Variants in PRICKLE2 observed in about 807,000 individuals in gnomAD.
PRICKLE2 encodes prickle-like protein 2.
PRICKLE2 carries 21 observed loss-of-function variants against 81.4 expected under a neutral mutation model. That is an observed-to-expected ratio of 0.26 (90% confidence interval 0.18 to 0.37). The LOEUF is 0.37. Ranked by LOEUF, PRICKLE2 falls within the 10% of genes least tolerant of loss-of-function variation. PRICKLE2 has a pLI of 1.00. For missense variants in PRICKLE2, 940 were observed against 1,109.0 expected (o/e 0.85, Z 2.16); for synonymous variants, 456 against 421.5 (o/e 1.08, Z -1.00).
intron 7 of PRICKLE2, among the ~76,000 whole-genome samples, chr3:64,123,605 C>T (rs2077062510): frequency 6.6e-6 from 1 of 152,224 alleles, no homozygotes; most frequent in South Asian, 2.1e-4. Context: ...CCTGTGCTCA[C>T]TTTGTGTCTC....
In PRICKLE2 at chr3:64,099,952, A is replaced by G. The variant is rs372589097; in HGVS notation, c.1661-27T>C. 6.3e-5 allele frequency: 101 copies of G among 1,611,176 alleles called. No homozygotes were observed. In the African/African-American group the frequency reaches 1.3e-3, roughly 21 times the overall value. ...TGGGGAAGAGAGGAGGGGACCACAG[A>G]GATTAATACAGATGTGCAGCAATGG... On this transcript the variant is annotated intron_variant, in intron 7 of 7. Transcript: ENST00000638394. This position sits in a 1 kb window ranked among gnomAD's most constrained non-coding sequence, Gnocchi z 4.3.
At chr3:64,203,840 T>C (rs1001041854) in intron 1 of PRICKLE2, among the ~76,000 whole-genome samples, 2 of 148,456 alleles carry the variant, frequency 1.3e-5, no homozygotes, top group Non-Finnish European at 3.0e-5. Context: ...CAGCTGGGCA[T>C]GGTGGTGGGC....
intron 2 of PRICKLE2, among the ~76,000 whole-genome samples, chr3:64,232,467 G>A (rs2079119378): frequency 6.8e-6 from 1 of 146,516 alleles, no homozygotes; most frequent in South Asian, 2.2e-4. Flanking sequence ...AAAGGATGGA[G>A]TTCAGCTCAC....
chr3:64,149,128 G>A (rs1035102553), intron 6 of PRICKLE2, among the ~76,000 whole-genome samples: 7 of 152,170 alleles, frequency 4.6e-5, no homozygotes, highest in Non-Finnish European at 7.3e-5. Flanking sequence ...GCCACACTGC[G>A]TACTAAGGGA....
chr3:64,120,865 G>A (rs1237917425), intron 7 of PRICKLE2, among the ~76,000 whole-genome samples: 4 of 152,158 alleles, frequency 2.6e-5, no homozygotes, highest in Admixed American at 1.3e-4. Context: ...GCACTATGCC[G>A]TGTCCTACTT....
chr3:64,113,083 C>A (rs1187411367), intron 7 of PRICKLE2, among the ~76,000 whole-genome samples: 1 of 152,174 alleles, frequency 6.6e-6, no homozygotes, highest in African/African-American at 2.4e-5. Flanking sequence ...GCTCTTGTCA[C>A]AGGCCTTGGG....
intron 2 of PRICKLE2, among the ~76,000 whole-genome samples, chr3:64,166,222 G>A (rs1246418160): frequency 6.6e-6 from 1 of 152,050 alleles, no homozygotes; most frequent in Admixed American, 6.5e-5. Flanking sequence ...AGTTTGCACA[G>A]CATCACTTCA....
chr3:64,196,402 G>T (rs755190028), intron 2 of PRICKLE2, among the ~76,000 whole-genome samples: 2 of 152,162 alleles, frequency 1.3e-5, no homozygotes, highest in Non-Finnish European at 2.9e-5. Flanking sequence ...AAGCTCACTG[G>T]TGTATCTAGG....
At chr3:64,117,503 T>A (rs527298568) in intron 7 of PRICKLE2, among the ~76,000 whole-genome samples, 11 of 152,208 alleles carry the variant, frequency 7.2e-5, no homozygotes, top group African/African-American at 2.6e-4. Context: ...TTCAGCAAAG[T>A]CTCAGGATCA....
intron 2 of PRICKLE2, among the ~76,000 whole-genome samples, chr3:64,247,675 A>G (rs550155896): frequency 1.3e-5 from 2 of 152,340 alleles, no homozygotes; most frequent in African/African-American, 4.8e-5. Context: ...ATCATAACTT[A>G]AACAACCTGG....
Position 64,266,169 on chromosome 3 carries a change from C to T in PRICKLE2, c.129-67202G>A, listed in dbSNP as rs549510802. Reference sequence around the variant, plus strand: ...TCCTGGTAATTTCCTGCAGACAGGACGTTTAATCATCTCCAAGCCTCCACC... The same window carrying T: ...TCCTGGTAATTTCCTGCAGACAGGATGTTTAATCATCTCCAAGCCTCCACC... On this transcript the variant is annotated intron_variant, in intron 2 of 8. Transcript: ENST00000295902. Among the ~76,000 whole-genome samples the T allele has an allele frequency of 9.4e-5, 14 of 149,640 alleles. No homozygotes were observed. In the East Asian group the frequency reaches 2.0e-3, roughly 21 times the overall value.
intron 2 of PRICKLE2, among the ~76,000 whole-genome samples, chr3:64,237,296 A>G (rs1428184571): frequency 6.6e-6 from 1 of 152,170 alleles, no homozygotes; most frequent in Non-Finnish European, 1.5e-5. Context: ...TCTGGCATCC[A>G]GCAGGAATCA....
At chr3:64,244,775 C>G (rs1032112119) in intron 2 of PRICKLE2, among the ~76,000 whole-genome samples, 1 of 152,088 alleles carries the variant, frequency 6.6e-6, no homozygotes, top group Non-Finnish European at 1.5e-5. Context: ...AGAAATATAG[C>G]ACGGTAATTG....
At chr3:64,238,351 G>T (rs1055713301) in intron 2 of PRICKLE2, among the ~76,000 whole-genome samples, 1 of 152,118 alleles carries the variant, frequency 6.6e-6, no homozygotes, top group Non-Finnish European at 1.5e-5. Flanking sequence ...AGCTGGGCAT[G>T]ATGGTGCCTG....
chr3:64,149,599 C>T (rs2077511708), intron 6 of PRICKLE2, among the ~76,000 whole-genome samples: 1 of 152,188 alleles, frequency 6.6e-6, no homozygotes, highest in Admixed American at 6.5e-5. Context: ...ACTAATGTGG[C>T]CTTTATCTTC....
intron 2 of PRICKLE2, among the ~76,000 whole-genome samples, chr3:64,266,941 TAA>T (rs5849583): frequency 5.7e-5 from 6 of 105,974 alleles, no homozygotes; most frequent in Non-Finnish European, 6.1e-5. Flanking sequence ...TGCCTCATCT[TAA>T]AAAAAAAAAA....
At chr3:64,218,953 C>A (rs888324102) in intron 1 of PRICKLE2, among the ~76,000 whole-genome samples, 1 of 152,080 alleles carries the variant, frequency 6.6e-6, no homozygotes, top group Non-Finnish European at 1.5e-5. Flanking sequence ...CATAACAAAG[C>A]CCTGGAGAGC....
chr3:64,219,546 C>G (rs1308911374), intron 1 of PRICKLE2, among the ~76,000 whole-genome samples: 1 of 152,180 alleles, frequency 6.6e-6, no homozygotes, highest in Non-Finnish European at 1.5e-5. Context: ...CAATCTCACA[C>G]TTTCATTCCA....
At chr3:64,210,095 C>T (rs2078760763) in intron 1 of PRICKLE2, among the ~76,000 whole-genome samples, 1 of 152,164 alleles carries the variant, frequency 6.6e-6, no homozygotes, top group Admixed American at 6.5e-5. Context: ...GGCTGGGCCA[C>T]TGCCTGTCCC....
Sources: allele counts gnomAD v4.1 joint callset (sites outside exome capture counted in the v4.1 genomes callset), GRCh38; gene constraint gnomAD v4.1.1; non-coding constraint Gnocchi (gnomAD v3.1); transcripts MANE v1.5; gene names NCBI Gene and HGNC (gene_info 2026-07-23, HGNC 2026-07-21).